The following MTX2 variants were observed in gnomAD, a reference collection of about 807,000 sequenced individuals.
The protein encoded by MTX2 is metaxin 2, also known as metaxin-2.
In MTX2, 35 loss-of-function variants were observed where a neutral mutation model predicts 42.3. The observed-to-expected ratio is 0.83, with a 90% CI of 0.63 to 1.10. The LOEUF (loss-of-function observed/expected upper bound fraction) is 1.10, where lower values mean the gene tolerates loss of function less well. Ranked by LOEUF, MTX2 falls within the 50% of genes least tolerant of loss-of-function variation. The pLI, the probability that MTX2 is intolerant of heterozygous loss-of-function variation, is 0.00. For missense variants in MTX2, 307 were observed against 304.1 expected (o/e 1.01, Z -0.07); for synonymous variants, 119 against 100.9 (o/e 1.18, Z -1.08).
chr2:176,334,680 G>A (rs1284972348), intron 9 of MTX2, among the ~76,000 whole-genome samples: 1 of 151,896 alleles, frequency 6.6e-6, no homozygotes, highest in Non-Finnish European at 1.5e-5. Context: ...AAGAATGTAA[G>A]TTACTACTAT....
chr2:176,313,640 G>A (rs1477166771), intron 3 of MTX2, among the ~76,000 whole-genome samples: 6 of 151,912 alleles, frequency 3.9e-5, no homozygotes, highest in Admixed American at 6.6e-5. Context: ...TAATCCACCC[G>A]CCTTGACCTC....
chr2:176,284,968 A>T (rs1693161271), intron 1 of MTX2, among the ~76,000 whole-genome samples: 1 of 152,206 alleles, frequency 6.6e-6, no homozygotes, highest in Non-Finnish European at 1.5e-5. Context: ...ACATAACTTT[A>T]TCAAGTTCCT....
intron 3 of MTX2, among the ~76,000 whole-genome samples, chr2:176,319,244 G>A (rs1034558119): frequency 1.3e-5 from 2 of 152,142 alleles, no homozygotes; most frequent in African/African-American, 4.8e-5. Context: ...TATTTTAGAT[G>A]AGTGTGCCAT....
intron 1 of MTX2, among the ~76,000 whole-genome samples, chr2:176,271,412 A>G (rs1275434269): frequency 1.3e-5 from 2 of 152,230 alleles, no homozygotes; most frequent in Admixed American, 6.5e-5. Flanking sequence ...GATTGCCGAA[A>G]AAATTTTAAA....
intron 3 of MTX2, among the ~76,000 whole-genome samples, chr2:176,311,786 C>T (rs545335077): frequency 2.4e-4 from 36 of 152,296 alleles, no homozygotes; most frequent in East Asian, 7.7e-4. Flanking sequence ...GGAAGTGTCC[C>T]GTTTATCCAG....
chr2:176,275,590 A>C (rs1231067420), intron 1 of MTX2, among the ~76,000 whole-genome samples: 1 of 152,174 alleles, frequency 6.6e-6, no homozygotes, highest in African/African-American at 2.4e-5. Flanking sequence ...AAATAGTTTA[A>C]AAATATTTTA....
chr2:176,282,461 C>T (rs1383422599), intron 1 of MTX2, among the ~76,000 whole-genome samples: 4 of 151,974 alleles, frequency 2.6e-5, no homozygotes, highest in East Asian at 1.9e-4. Flanking sequence ...TATCTAAACT[C>T]GTCTCCATGC....
chr2:176,328,847 G>A (rs747750900), intron 6 of MTX2, 27 bp from the exon 7 acceptor site: 2 of 1,599,210 alleles, frequency 1.3e-6, no homozygotes, highest in Admixed American at 3.4e-5. Flanking sequence ...GTATTCTAAA[G>A]TTTAGTGACT....
At chr2:176,271,103 C>T (rs769604675) in intron 1 of MTX2, among the ~76,000 whole-genome samples, 3 of 152,022 alleles carry the variant, frequency 2.0e-5, no homozygotes, top group Admixed American at 6.6e-5. Context: ...TAAGTAGTGA[C>T]GTTTAAAAAT....
chr2:176,306,255 G>T (rs1684141802), intron 3 of MTX2, among the ~76,000 whole-genome samples: 1 of 152,146 alleles, frequency 6.6e-6, no homozygotes, highest in Non-Finnish European at 1.5e-5. Context: ...CCTTTTTTAT[G>T]GCTGCATAGT....
At chr2:176,274,136 G>GT (rs549744032) in intron 1 of MTX2, among the ~76,000 whole-genome samples, 9 of 150,992 alleles carry the variant, frequency 6.0e-5, no homozygotes, top group East Asian at 3.9e-4. Flanking sequence ...TTGTTGTCTA[G>GT]TTTTTTTTTC....
chr2:176,292,049 C>CT (rs1693341052), intron 1 of MTX2, among the ~76,000 whole-genome samples: 1 of 152,196 alleles, frequency 6.6e-6, no homozygotes, highest in South Asian at 2.1e-4. Context: ...ATAAAATTTA[C>CT]TTTTGATGTG....
intron 1 of MTX2, among the ~76,000 whole-genome samples, chr2:176,285,996 T>G (rs966912244): frequency 6.6e-6 from 1 of 152,184 alleles, no homozygotes; most frequent in Non-Finnish European, 1.5e-5. Flanking sequence ...CGTGTGAGAA[T>G]TTTTGATTTC....
At chr2:176,305,303 T>C (rs568752690) in intron 3 of MTX2, among the ~76,000 whole-genome samples, 4 of 152,210 alleles carry the variant, frequency 2.6e-5, no homozygotes, top group African/African-American at 9.6e-5. Context: ...CAGTTGGGAA[T>C]TTTCTTGTAA....
In MTX2 at chr2:176,290,454, A is replaced by G. The variant is rs180787603; in HGVS notation, c.41-6406A>G. 4.6e-5 allele frequency among the ~76,000 whole-genome samples: 7 copies of G among 152,264 alleles called. No homozygotes were observed. In the East Asian group the frequency reaches 1.2e-3, roughly 25 times the overall value. On this transcript the variant is annotated intron_variant, in intron 1 of 9. Transcript: ENST00000249442. ...TTCAAATAAGTAGTTATTTAATTAG[A>G]ACGGCATTCTCCAATGTGGGATGAG...
chr2:176,329,477 A>G (rs749414915), intron 8 of MTX2, 51 bp downstream of exon 8: 1 of 1,533,130 alleles, frequency 6.5e-7, no homozygotes, highest in Non-Finnish European at 8.8e-7. Context: ...GCATTAAAAG[A>G]ATCATTCTTT....
intron 1 of MTX2, among the ~76,000 whole-genome samples, chr2:176,283,293 A>G (rs1336755531): frequency 6.6e-6 from 1 of 152,210 alleles, no homozygotes; most frequent in East Asian, 1.9e-4. Flanking sequence ...CCTAGAGGGC[A>G]ATGACAGTTT....
intron 3 of MTX2, among the ~76,000 whole-genome samples, chr2:176,312,188 C>G (rs1017456930): frequency 2.6e-5 from 4 of 152,172 alleles, no homozygotes; most frequent in African/African-American, 9.7e-5. Context: ...GCAGTGAGCT[C>G]TGAACCCATA....
chr2:176,281,669 A>G (rs893115479), intron 1 of MTX2, among the ~76,000 whole-genome samples: 1 of 152,178 alleles, frequency 6.6e-6, no homozygotes, highest in African/African-American at 2.4e-5. Context: ...TTTAAGACAT[A>G]TACTTTGCCA....
Sources: gnomAD v4.1 joint callset for allele counts (sites outside exome capture counted in the v4.1 genomes callset) on GRCh38, gnomAD v4.1.1 for gene constraint, MANE v1.5 for transcripts, NCBI Gene and HGNC (gene_info 2026-07-23, HGNC 2026-07-21) for gene names.